The following EML6 variants were observed in gnomAD, a reference collection of about 807,000 sequenced individuals.
The protein encoded by EML6 is echinoderm microtubule-associated protein-like 6.
Under a neutral mutation model 240.1 loss-of-function variants are expected in EML6, and 154 were observed. The ratio of observed to expected loss-of-function variants is 0.64; its 90% CI spans 0.56 to 0.73. The LOEUF (loss-of-function observed/expected upper bound fraction) is 0.73. EML6 is among the 30% of genes least tolerant of loss of function. EML6 has a pLI of 0.00. For synonymous variants in EML6, 1,148 were observed against 899.0 expected, an observed-to-expected ratio of 1.28 and a Z score of -4.95; for missense variants, 2,964 against 2,474.6, an observed-to-expected ratio of 1.20 and a Z score of -4.20.
chr2:54,777,266 G>A (rs527242841), intron 2 of EML6, among the ~76,000 whole-genome samples: 1 of 152,158 alleles, frequency 6.6e-6, no homozygotes, highest in African/African-American at 2.4e-5. Flanking sequence ...TATTTAGGGT[G>A]GGGGTGGAGG....
At chr2:54,961,184 G>GTTGTTTTTTTTTGTTTTTTT in intron 35 of EML6, among the ~76,000 whole-genome samples, 2 of 55,424 alleles carry the variant, frequency 3.6e-5, no homozygotes, top group African/African-American at 1.6e-4. Flanking sequence ...TCAGGAAGTA[G>GTTGTTTTTTTTTGTTTTTTT]TTTTTTTTTT....
intron 28 of EML6, among the ~76,000 whole-genome samples, chr2:54,934,459 G>A (rs954006941): frequency 3.3e-5 from 5 of 151,936 alleles, no homozygotes; most frequent in African/African-American, 1.2e-4. Context: ...CCACATTTCA[G>A]GTCAATCTAA....
intron 17 of EML6, among the ~76,000 whole-genome samples, chr2:54,884,563 C>G (rs1421987671): frequency 6.6e-6 from 1 of 152,148 alleles, no homozygotes; most frequent in Non-Finnish European, 1.5e-5. Context: ...GCCATCAAGT[C>G]AATCATGAGC....
chr2:54,892,707 T>C (rs1335552818), intron 19 of EML6, 51 bp downstream of exon 19: 15 of 1,436,934 alleles, frequency 1.0e-5, no homozygotes, highest in African/African-American at 1.4e-5. Context: ...TCTAAAATTA[T>C]AAGGTAGTCT....
intron 19 of EML6, among the ~76,000 whole-genome samples, chr2:54,894,294 C>A (rs760107251): frequency 6.6e-6 from 1 of 150,964 alleles, no homozygotes; most frequent in Admixed American, 6.6e-5. Flanking sequence ...AAGCTTAGAA[C>A]AGGAATAAAG....
chr2:54,872,829 A>G (rs1053861961), intron 16 of EML6, among the ~76,000 whole-genome samples: 12 of 152,142 alleles, frequency 7.9e-5, no homozygotes, highest in Admixed American at 7.9e-4. Context: ...TTCTCTTCCA[A>G]CTTTACAGGG....
chr2:54,814,323 T>A (rs1429282327), intron 3 of EML6, among the ~76,000 whole-genome samples: 1 of 152,180 alleles, frequency 6.6e-6, no homozygotes, highest in African/African-American at 2.4e-5. Context: ...CTCCAAAGGT[T>A]TTCACAAAGC....
chr2:54,837,242 A>C (rs1167028676), intron 7 of EML6, among the ~76,000 whole-genome samples: 1 of 152,210 alleles, frequency 6.6e-6, no homozygotes, highest in Non-Finnish European at 1.5e-5. Context: ...AGATACAGGA[A>C]ATAACTTTGT....
intron 7 of EML6, among the ~76,000 whole-genome samples, chr2:54,838,877 G>GATGTGT (rs1669293433): frequency 6.6e-6 from 1 of 152,192 alleles, no homozygotes; most frequent in African/African-American, 2.4e-5. Flanking sequence ...AAGTAACAAT[G>GATGTGT]ATGTGTATTT....
chr2:54,967,287 C>G, intron 39 of EML6, 184 bp downstream of exon 39: 1 of 424,280 alleles, frequency 2.4e-6, no homozygotes, highest in East Asian at 4.0e-5. Context: ...TTTGATCTGA[C>G]CTAGGTTTTT....
chr2:54,907,684 A>G (rs906116402), intron 24 of EML6, among the ~76,000 whole-genome samples: 19 of 152,202 alleles, frequency 1.2e-4, no homozygotes, highest in Admixed American at 7.9e-4. Flanking sequence ...GCAAAGCTCT[A>G]TGGTACCCGC....
intron 6 of EML6, 49 bp from the exon 7 acceptor site, chr2:54,829,293 T>C: frequency 1.3e-6 from 2 of 1,517,752 alleles, no homozygotes; most frequent in Non-Finnish European, 1.8e-6. Context: ...ATCTATTCAT[T>C]ATACTTAGGA....
At chr2:54,965,657 TG>T (rs1676716735) in intron 38 of EML6, among the ~76,000 whole-genome samples, 1 of 152,112 alleles carries the variant, frequency 6.6e-6, no homozygotes, top group Non-Finnish European at 1.5e-5. Context: ...GCTGTCTTCC[TG>T]CACTAAGTCA....
At chr2:54,750,157 G>A (rs1264439124) in intron 2 of EML6, among the ~76,000 whole-genome samples, 3 of 152,228 alleles carry the variant, frequency 2.0e-5, no homozygotes, top group Non-Finnish European at 4.4e-5. Flanking sequence ...CCTTGGCCTG[G>A]CTGCCCAGCC....
At position 54,967,047 on chromosome 2, in the gene EML6, G is replaced by A. The variant is rs763690888; in HGVS notation, c.5541G>A (p.Gly1847=). The change falls in exon 39 of 42, where the codon GGG becomes GGA. Residue 1847 remains glycine (G), a synonymous_variant. Transcript: ENST00000356458. ...GCCAGGTGCATGAGGTCCCCCTGGGGAAGCAGGTAACTGAAGCCGTGGTCA... is the reference window on the plus strand; with the variant it reads ...GCCAGGTGCATGAGGTCCCCCTGGGAAAGCAGGTAACTGAAGCCGTGGTCA... ...YKRQVHEVPL[G]KQVTEAVVIE... 4.4e-5 allele frequency: 68 copies of A among 1,551,402 alleles called. No homozygotes were observed. Among genetic ancestry groups the A allele is most frequent in the African/African-American group, 9.6e-5 (7 of 73,048 alleles).
rs774137496 is a variant in EML6, at chr2:54,910,972, A to G, written c.3428A>G (p.Asn1143Ser). Residue 1143 changes from asparagine to serine, a missense_variant, in exon 25 of 42, where the codon AAT (asparagine) becomes AGT (serine). Asn to Ser is a conservative substitution (Grantham distance 46). Coordinates refer to ENST00000356458, the MANE Select transcript of EML6 (RefSeq NM_001039753.4). ...WDSRGKLLQV[N>S]SGAREQLFFE... is the part of the protein sequence containing the mutation. ...GTAACAGGAAAATTATTGCAAGTGA[A>G]TTCAGGTGCCAGAGAACAACTTTTT... 6 of 1,533,878 alleles carry G rather than the reference A, an allele frequency of 3.9e-6. No homozygotes were observed. Among genetic ancestry groups the G allele is most frequent in the South Asian group, 3.7e-5 (3 of 81,726 alleles).
chr2:54,796,468 G>A (rs1359291607), intron 2 of EML6, among the ~76,000 whole-genome samples: 5 of 151,902 alleles, frequency 3.3e-5, no homozygotes, highest in African/African-American at 4.8e-5. Context: ...ATTGAGTAAA[G>A]TGAGCGCTTT....
At chr2:54,761,223 A>G (rs1667967543) in intron 2 of EML6, among the ~76,000 whole-genome samples, 1 of 152,142 alleles carries the variant, frequency 6.6e-6, no homozygotes. Context: ...AGTTTGTGGA[A>G]CGGACTTGTT....
chr2:54,857,869 A>G (rs1306085931), intron 11 of EML6, among the ~76,000 whole-genome samples: 1 of 152,254 alleles, frequency 6.6e-6, no homozygotes, highest in Non-Finnish European at 1.5e-5. Flanking sequence ...AGAGGGCAGA[A>G]AGAAAAGATG....
Sources: gnomAD v4.1 joint callset for allele counts (sites outside exome capture counted in the v4.1 genomes callset) on GRCh38, gnomAD v4.1.1 for gene constraint, MANE v1.5 for transcripts, NCBI Gene and HGNC (gene_info 2026-07-23, HGNC 2026-07-21) for gene names.